NCOA3: variants seen among roughly 807,000 people sequenced by gnomAD.
NCOA3 encodes nuclear receptor coactivator 3.
NCOA3 carries 51 observed loss-of-function variants against 158.8 expected under a neutral mutation model. That is an observed-to-expected ratio of 0.32 (90% CI 0.26 to 0.41). The LOEUF (loss-of-function observed/expected upper bound fraction) is 0.41, where lower values mean the gene tolerates loss of function less well. Among genes scored for constraint, NCOA3 ranks in the 10% least tolerant of loss-of-function variants. NCOA3 has a pLI of 1.00. For synonymous variants in NCOA3, 537 were observed against 592.4 expected (o/e 0.91, Z 1.36); for missense variants, 1,510 against 1,746.6 (o/e 0.86, Z 2.41).
At chr20:47,585,046 CTTTTTTTTTTT>C (rs11473989) in intron 2 of NCOA3, among the ~76,000 whole-genome samples, 1 of 91,344 alleles carries the variant, frequency 1.1e-5, no homozygotes, top group Non-Finnish European at 2.0e-5. Context: ...CCTTTCTTAA[CTTTTTTTTTTT>C]TTTTTTTTTT....
intron 1 of NCOA3, among the ~76,000 whole-genome samples, chr20:47,508,633 T>C (rs2084065974): frequency 6.6e-6 from 1 of 152,254 alleles, no homozygotes; most frequent in South Asian, 2.1e-4. Context: ...AAAGAAAATG[T>C]GTATCATAAT....
At chr20:47,650,225 G>T (rs924425249) in intron 19 of NCOA3, among the ~76,000 whole-genome samples, 1 of 145,164 alleles carries the variant, frequency 6.9e-6, no homozygotes, top group Non-Finnish European at 1.5e-5. Context: ...CTCTTCTTCA[G>T]TTCTCCCTCC....
intron 16 of NCOA3, among the ~76,000 whole-genome samples, chr20:47,641,621 C>T (rs921710104): frequency 1.3e-5 from 2 of 150,658 alleles, no homozygotes; most frequent in African/African-American, 2.4e-5. Context: ...GCCTCAGCCT[C>T]CCGACTAGCT....
chr20:47,573,602 G>T (rs1602423342), intron 1 of NCOA3, among the ~76,000 whole-genome samples: 1 of 152,152 alleles, frequency 6.6e-6, no homozygotes, highest in Non-Finnish European at 1.5e-5. Flanking sequence ...TGTAAAAAGC[G>T]CAATATCTGT....
intron 1 of NCOA3, among the ~76,000 whole-genome samples, chr20:47,535,933 C>A (rs1272662792): frequency 1.3e-5 from 2 of 152,128 alleles, no homozygotes; most frequent in Admixed American, 1.3e-4. Flanking sequence ...TCTACTCCGA[C>A]CACCCCCTAT....
At chr20:47,559,022 A>G (rs1256371648) in intron 1 of NCOA3, among the ~76,000 whole-genome samples, 2 of 151,734 alleles carry the variant, frequency 1.3e-5, no homozygotes, top group African/African-American at 2.4e-5. Context: ...CCAGATTTTC[A>G]TGATGTTTTC....
chr20:47,515,195 G>C (rs184287024), intron 1 of NCOA3, among the ~76,000 whole-genome samples: 5 of 150,288 alleles, frequency 3.3e-5, no homozygotes, highest in Admixed American at 6.6e-5. Flanking sequence ...ATGGAGTCTC[G>C]CTCTGTTGCC....
chr20:47,608,884 C>T (rs1209044874), intron 2 of NCOA3, among the ~76,000 whole-genome samples: 11 of 152,100 alleles, frequency 7.2e-5, no homozygotes, highest in Non-Finnish European at 1.5e-4. Flanking sequence ...CTACAGCTGC[C>T]TCTATTCTGT....
At chr20:47,562,922 TA>T (rs1369018196) in intron 1 of NCOA3, among the ~76,000 whole-genome samples, 1 of 152,240 alleles carries the variant, frequency 6.6e-6, no homozygotes, top group Non-Finnish European at 1.5e-5. Context: ...AGTAATTTTT[TA>T]AAAATAATGA....
intron 17 of NCOA3, among the ~76,000 whole-genome samples, chr20:47,644,931 C>T (rs903637064): frequency 3.3e-5 from 5 of 151,760 alleles, no homozygotes; most frequent in East Asian, 1.9e-4. Flanking sequence ...CTCCTGACCT[C>T]GTGATCCACC....
At chr20:47,644,356 G>T (rs1023400722) in intron 17 of NCOA3, among the ~76,000 whole-genome samples, 3 of 152,050 alleles carry the variant, frequency 2.0e-5, no homozygotes, top group African/African-American at 7.2e-5. Context: ...AGCGAGGATG[G>T]TCTCGATCCC....
At chr20:47,649,456 A>T (rs2086745794) in intron 19 of NCOA3, among the ~76,000 whole-genome samples, 1 of 152,222 alleles carries the variant, frequency 6.6e-6, no homozygotes, top group Admixed American at 6.5e-5. Context: ...ATGAAACAAC[A>T]TGCACACTGG....
At chr20:47,621,396 C>T (rs2086238367) in intron 2 of NCOA3, among the ~76,000 whole-genome samples, 1 of 151,864 alleles carries the variant, frequency 6.6e-6, no homozygotes, top group Non-Finnish European at 1.5e-5. Context: ...CAGCATACGT[C>T]TCAGAGTTTA....
In NCOA3 at chr20:47,638,617, GTTGA is replaced by G. The variant is rs1337999991; in HGVS notation, c.2513-387_2513-384del. 8.5e-5 allele frequency among the ~76,000 whole-genome samples: 13 copies of G among 152,278 alleles called. No homozygotes were observed. The East Asian group carries it at 2.5e-3, about 29-fold the overall frequency. On this transcript the variant is annotated intron_variant, in intron 13 of 22. Coordinates refer to ENST00000371998, the MANE Select transcript of NCOA3 (RefSeq NM_181659.3). ...ATCAGAAGGCAACTTATCTGGTTAA[GTTGA>G]TTGTTAAAATTATAAACAGTATACT...
In NCOA3 at chr20:47,627,586, G is replaced by A; in HGVS notation, c.558G>A (p.Glu186=). Reference sequence around the variant, plus strand: ...TTAATGGAGTTTCCTGGACAAATGAGACCCAAAGACAAAAAAGCCATACAT... The same window carrying A: ...TTAATGGAGTTTCCTGGACAAATGAAACCCAAAGACAAAAAAGCCATACAT... The part of the protein sequence containing the change: ...STVNGVSWTN[E]TQRQKSHTFN... Residue 186 remains glutamate (E), a synonymous_variant, in exon 7 of 23, where the codon GAG becomes GAA. Coordinates refer to ENST00000371998, the MANE Select transcript of NCOA3 (RefSeq NM_181659.3). 1 of 1,611,904 alleles carries A rather than the reference G, an allele frequency of 6.2e-7. No individual in the cohort carries two copies. The highest frequency in any genetic ancestry group is 1.7e-4 in the Middle Eastern group (1 of 6,056).
chr20:47,575,097 T>C (rs2085351892), intron 1 of NCOA3, among the ~76,000 whole-genome samples: 1 of 152,072 alleles, frequency 6.6e-6, no homozygotes, highest in Admixed American at 6.6e-5. Context: ...CCCATTCCCT[T>C]CCCCCAGCCT....
At chr20:47,533,454 C>T (rs1254282522) in intron 1 of NCOA3, among the ~76,000 whole-genome samples, 1 of 152,010 alleles carries the variant, frequency 6.6e-6, no homozygotes, top group Non-Finnish European at 1.5e-5. Context: ...ACCGCATCAT[C>T]CATTATTAAT....
chr20:47,605,095 T>C (rs977188884), intron 2 of NCOA3, among the ~76,000 whole-genome samples: 1 of 152,190 alleles, frequency 6.6e-6, no homozygotes, highest in Admixed American at 6.5e-5. Flanking sequence ...CTCGATCTCT[T>C]GACCTCGTGA....
intron 2 of NCOA3, among the ~76,000 whole-genome samples, chr20:47,610,595 G>C (rs1162579986): frequency 6.6e-6 from 1 of 152,082 alleles, no homozygotes; most frequent in Non-Finnish European, 1.5e-5. Context: ...AAGCTGTGAG[G>C]TCAGGAAAAA....
Sources: allele counts gnomAD v4.1 joint callset (sites outside exome capture counted in the v4.1 genomes callset), GRCh38; gene constraint gnomAD v4.1.1; transcripts MANE v1.5; gene names NCBI Gene and HGNC (gene_info 2026-07-23, HGNC 2026-07-21).